Variants in LARGE1 observed in about 807,000 individuals in gnomAD.
LARGE1 encodes the protein LARGE xylosyl- and glucuronyltransferase 1.
A neutral mutation model predicts 87.6 loss-of-function variants in LARGE1; 43 were observed. The ratio of observed to expected loss-of-function variants is 0.49; its 90% CI spans 0.38 to 0.63. LARGE1 has a LOEUF of 0.63. Ranked by LOEUF, LARGE1 falls within the 30% of genes least tolerant of loss-of-function variation. The pLI, the probability that LARGE1 is intolerant of heterozygous loss-of-function variation, is 0.00. For synonymous variants in LARGE1, 434 were observed against 394.6 expected (o/e 1.10, Z -1.18); for missense variants, 802 against 1,000.2 (o/e 0.80, Z 2.67).
At chr22:33,663,016 C>T (rs995856342) in intron 2 of LARGE1, among the ~76,000 whole-genome samples, 3 of 151,908 alleles carry the variant, frequency 2.0e-5, no homozygotes, top group African/African-American at 7.3e-5. Flanking sequence ...CAACAAGTAT[C>T]TATATTAGAA....
At chr22:33,621,868 T>G (rs2079765224) in intron 4 of LARGE1, among the ~76,000 whole-genome samples, 3 of 152,206 alleles carry the variant, frequency 2.0e-5, no homozygotes, top group African/African-American at 4.8e-5. Flanking sequence ...CAGCAATAAC[T>G]TAAGCATACC....
At chr22:33,916,290 A>G (rs2065785078) in intron 1 of LARGE1, among the ~76,000 whole-genome samples, 1 of 152,022 alleles carries the variant, frequency 6.6e-6, no homozygotes. Context: ...CAAAAAAAAA[A>G]GAAAAAACAA....
chr22:33,413,642 T>C (rs1160618194), intron 7 of LARGE1, among the ~76,000 whole-genome samples: 1 of 152,010 alleles, frequency 6.6e-6, no homozygotes, highest in Non-Finnish European at 1.5e-5. Flanking sequence ...TTTTTTTGTA[T>C]TTTTAGTAGA....
intron 6 of LARGE1, among the ~76,000 whole-genome samples, chr22:33,495,070 A>G (rs1602105898): frequency 6.6e-6 from 1 of 152,178 alleles, no homozygotes; most frequent in East Asian, 1.9e-4. Flanking sequence ...CCACGTGAAC[A>G]TGATTCCACT....
At chr22:33,289,548 G>A (rs1311571071) in intron 12 of LARGE1, among the ~76,000 whole-genome samples, 1 of 152,150 alleles carries the variant, frequency 6.6e-6, no homozygotes, top group Non-Finnish European at 1.5e-5. Flanking sequence ...TGTCACAGCT[G>A]AGCCTACTGG....
the LARGE1 span, among the ~76,000 whole-genome samples, chr22:33,077,444 C>T: frequency 0.087 from 13,289 of 152,044 alleles, 649 homozygotes; most frequent in African/African-American, 0.13. Flanking sequence ...CTAAATAAGA[C>T]GCCATTTTAC....
chr22:33,071,147 A>G, the LARGE1 span, among the ~76,000 whole-genome samples: 9 of 152,232 alleles, frequency 5.9e-5, no homozygotes, highest in Non-Finnish European at 1.2e-4. Flanking sequence ...GCATTAAAGA[A>G]ACTTGATTGA....
intron 2 of LARGE1, among the ~76,000 whole-genome samples, chr22:33,716,691 C>A (rs933337128): frequency 6.6e-6 from 1 of 152,228 alleles, no homozygotes; most frequent in African/African-American, 2.4e-5. Flanking sequence ...TGAGCCACCA[C>A]ACCTGGCCAC....
intron 1 of LARGE1, among the ~76,000 whole-genome samples, chr22:33,807,402 T>C (rs527377940): frequency 6.6e-6 from 1 of 152,314 alleles, no homozygotes; most frequent in Admixed American, 6.5e-5. Flanking sequence ...CACAGCAAGA[T>C]AGGAAGGTAT....
chr22:33,637,407 A>G (rs2080298156), intron 3 of LARGE1, among the ~76,000 whole-genome samples: 1 of 152,176 alleles, frequency 6.6e-6, no homozygotes, highest in Non-Finnish European at 1.5e-5. Context: ...TGGCAGAGAT[A>G]TGGTCCCTTG....
At chr22:33,743,443 CTT>C (rs1238634072) in intron 2 of LARGE1, among the ~76,000 whole-genome samples, 1 of 152,102 alleles carries the variant, frequency 6.6e-6, no homozygotes, top group Non-Finnish European at 1.5e-5. Context: ...CTGACTCTTT[CTT>C]TCTCTCTCCT....
At chr22:33,637,102 T>C (rs2080290086) in intron 3 of LARGE1, among the ~76,000 whole-genome samples, 1 of 152,138 alleles carries the variant, frequency 6.6e-6, no homozygotes, top group African/African-American at 2.4e-5. Flanking sequence ...AGGAAGGTCT[T>C]CAAGGTGCCC....
At chr22:33,868,446 G>C (rs901051062) in intron 1 of LARGE1, among the ~76,000 whole-genome samples, 3 of 152,132 alleles carry the variant, frequency 2.0e-5, no homozygotes, top group African/African-American at 7.2e-5. Context: ...TTCCTGCTAG[G>C]AGTTCACCTG....
At chr22:33,181,327 T>C (rs1410027619) in intron 11 of LARGE1, among the ~76,000 whole-genome samples, 5 of 152,164 alleles carry the variant, frequency 3.3e-5, no homozygotes, top group Non-Finnish European at 5.9e-5. Context: ...CATGATAATA[T>C]TCTATTTTTA....
chr22:33,125,871 C>T, the LARGE1 span, among the ~76,000 whole-genome samples: 2,690 of 152,258 alleles, frequency 0.018, 86 homozygotes, highest in African/African-American at 0.062. Context: ...CCTCAGCTTC[C>T]TGAGCAGCTA....
intron 6 of LARGE1, among the ~76,000 whole-genome samples, chr22:33,535,561 G>GA (rs1271687591): frequency 3.3e-5 from 5 of 150,944 alleles, no homozygotes; most frequent in Admixed American, 6.6e-5. Flanking sequence ...AAAAAAAAAA[G>GA]AAAAAAAATG....
chr22:33,435,261 C>T (rs1366655546), intron 6 of LARGE1, among the ~76,000 whole-genome samples: 2 of 152,180 alleles, frequency 1.3e-5, no homozygotes, highest in Non-Finnish European at 2.9e-5. Context: ...CGCAGCCTCC[C>T]AAAGTGCTAG....
chr22:33,607,758 A>C (rs1209572805), intron 4 of LARGE1, among the ~76,000 whole-genome samples: 1 of 152,208 alleles, frequency 6.6e-6, no homozygotes, highest in Middle Eastern at 3.2e-3. Context: ...AAATTTCTCA[A>C]GGCCAACCTG....
At chr22:33,530,006 T>C (rs749919728) in intron 6 of LARGE1, among the ~76,000 whole-genome samples, 77 of 152,160 alleles carry the variant, frequency 5.1e-4, no homozygotes, top group Admixed American at 3.6e-3. Context: ...AAACCAGACA[T>C]GGTAATCCCC....
Sources: allele counts gnomAD v4.1 joint callset (sites outside exome capture counted in the v4.1 genomes callset), GRCh38; gene constraint gnomAD v4.1.1; transcripts MANE v1.5; gene names NCBI Gene and HGNC (gene_info 2026-07-23, HGNC 2026-07-21).